The following ROBO1 variants were observed in gnomAD, a reference collection of about 807,000 sequenced individuals.
ROBO1 encodes the protein roundabout homolog 1.
A neutral mutation model predicts 195.9 loss-of-function variants in ROBO1; 149 were observed. The ratio of observed to expected loss-of-function variants is 0.76; its 90% CI spans 0.67 to 0.87. The LOEUF is 0.87. Among genes scored for constraint, ROBO1 ranks in the 40% least tolerant of loss-of-function variants. ROBO1 has a pLI of 0.00. For missense variants in ROBO1, 1,933 were observed against 2,068.3 expected (o/e 0.93, Z 1.27); for synonymous variants, 816 against 733.2 (o/e 1.11, Z -1.82).
intron 5 of ROBO1, among the ~76,000 whole-genome samples, chr3:78,731,853 T>C (rs2082293364): frequency 6.6e-6 from 1 of 152,106 alleles, no homozygotes. Flanking sequence ...CAGTTCTTCC[T>C]GCAGTACACG....
chr3:79,678,397 A>G (rs1227524463), intron 1 of ROBO1, among the ~76,000 whole-genome samples: 1 of 152,054 alleles, frequency 6.6e-6, no homozygotes, highest in Non-Finnish European at 1.5e-5. Flanking sequence ...TATAGCCACT[A>G]AAGTAAGACT....
intron 26 of ROBO1, among the ~76,000 whole-genome samples, chr3:78,620,883 A>ATGTGTGTG (rs199578004): frequency 0.34 from 48,984 of 144,492 alleles, 9,002 homozygotes; most frequent in Admixed American, 0.44. Context: ...ATATATATAT[A>ATGTGTGTG]TGTGTGTGTG....
rs753226863 is a variant in ROBO1 at position 78,600,306 on chromosome 3, T to C, written c.4748A>G (p.Asp1583Gly). ...AGTAGGTCTACAATAAGGTAGAATATCCTCTGTGTAATGAAATATAATAAA... is the reference window on the plus strand; with the variant it reads ...AGTAGGTCTACAATAAGGTAGAATACCCTCTGTGTAATGAAATATAATAAA... ...PPAKTHLIQE[D>G]ILPYCRPTFP... is the part of the protein sequence containing the mutation. The change falls in exon 30 of 31, where the codon GAT becomes GGT. Residue 1583 changes from aspartate to glycine, a missense_variant. Around this residue, in one of 3 missense-constraint regions of ROBO1, gnomAD observed 1,737 missense variants for 1,882.5 expected, o/e 0.92. Coordinates refer to ENST00000464233, the MANE Select transcript of ROBO1 (RefSeq NM_002941.4). 7 of 1,592,206 alleles carry C rather than the reference T, an allele frequency of 4.4e-6. No homozygotes were observed. The African/African-American group carries it at 8.1e-5, about 18-fold the overall frequency.
chr3:78,776,082 G>A (rs1352793747), intron 4 of ROBO1, among the ~76,000 whole-genome samples: 1 of 151,756 alleles, frequency 6.6e-6, no homozygotes, highest in Non-Finnish European at 1.5e-5. Context: ...ATTTTTTATT[G>A]TTTCTTTTCC....
At chr3:79,084,308 G>A (rs2079328164) in intron 3 of ROBO1, among the ~76,000 whole-genome samples, 1 of 152,186 alleles carries the variant, frequency 6.6e-6, no homozygotes, top group African/African-American at 2.4e-5. Context: ...AGATCAGCCT[G>A]ACCAACATGG....
intron 4 of ROBO1, chr3:78,937,990 AGTGTGTGTGTGT>A (rs10596981): frequency 2.5e-4 from 34 of 135,686 alleles, no homozygotes; most frequent in East Asian, 6.6e-4. Context: ...AGAGAGAGTG[AGTGTGTGTGTGT>A]GTGTGTGTGT....
At chr3:79,392,164 C>A (rs775794492) in intron 2 of ROBO1, among the ~76,000 whole-genome samples, 1 of 152,178 alleles carries the variant, frequency 6.6e-6, no homozygotes, top group Non-Finnish European at 1.5e-5. Context: ...AGAGAAGCAA[C>A]CACGGAATGG....
At chr3:79,637,243 A>T (rs1424137924) in intron 1 of ROBO1, among the ~76,000 whole-genome samples, 1 of 152,184 alleles carries the variant, frequency 6.6e-6, no homozygotes, top group African/African-American at 2.4e-5. Flanking sequence ...ATGTATGCAC[A>T]TATTTATCAT....
intron 2 of ROBO1, among the ~76,000 whole-genome samples, chr3:79,293,779 C>A (rs1424733087): frequency 6.6e-6 from 1 of 152,102 alleles, no homozygotes; most frequent in African/African-American, 2.4e-5. Flanking sequence ...CTACTTTGGG[C>A]CGGGCGCGGT....
intron 1 of ROBO1, among the ~76,000 whole-genome samples, chr3:79,627,212 A>T (rs1489705422): frequency 6.6e-6 from 1 of 152,182 alleles, no homozygotes; most frequent in African/African-American, 2.4e-5. Flanking sequence ...AAGCAAAAAG[A>T]ACAAAGGTGG....
chr3:79,469,558 G>A (rs1316469262), intron 2 of ROBO1, among the ~76,000 whole-genome samples: 1 of 152,178 alleles, frequency 6.6e-6, no homozygotes, highest in African/African-American at 2.4e-5. Flanking sequence ...TCAGCAGCCG[G>A]ATTTAAATCT....
At chr3:79,546,315 G>A (rs967944132) in intron 2 of ROBO1, among the ~76,000 whole-genome samples, 1 of 152,084 alleles carries the variant, frequency 6.6e-6, no homozygotes, top group African/African-American at 2.4e-5. Context: ...CTATTAGTTA[G>A]GTTTCTGGGG....
chr3:79,072,704 A>G (rs2079109473), intron 3 of ROBO1, among the ~76,000 whole-genome samples: 1 of 151,996 alleles, frequency 6.6e-6, no homozygotes, highest in Non-Finnish European at 1.5e-5. Flanking sequence ...TACTGTATCC[A>G]TTTGTAATCA....
intron 2 of ROBO1, among the ~76,000 whole-genome samples, chr3:79,333,375 C>T (rs533666640): frequency 5.3e-5 from 8 of 152,092 alleles, no homozygotes; most frequent in African/African-American, 1.4e-4. Flanking sequence ...ATCAAGCATG[C>T]GTAACCATGT....
chr3:79,285,363 C>G (rs1254219089), intron 2 of ROBO1, among the ~76,000 whole-genome samples: 1 of 152,154 alleles, frequency 6.6e-6, no homozygotes, highest in East Asian at 1.9e-4. Flanking sequence ...TAATTGTAAG[C>G]TCCCAAAGCA....
chr3:79,755,266 T>C (rs1474098867), intron 1 of ROBO1, among the ~76,000 whole-genome samples: 2 of 152,180 alleles, frequency 1.3e-5, no homozygotes, highest in African/African-American at 4.8e-5. Flanking sequence ...TTTTCTAAAT[T>C]AGAATATTAT....
chr3:78,693,099 G>C (rs2081211270), intron 8 of ROBO1: 1 of 417,770 alleles, frequency 2.4e-6, no homozygotes, highest in Admixed American at 4.1e-5. Flanking sequence ...GAAATAAAAG[G>C]ATGCAGATCA....
At chr3:79,264,802 C>T (rs1202800690) in intron 2 of ROBO1, among the ~76,000 whole-genome samples, 1 of 151,856 alleles carries the variant, frequency 6.6e-6, no homozygotes, top group East Asian at 1.9e-4. Flanking sequence ...TAAGTAGGCA[C>T]AAACATTTGT....
At chr3:78,792,541 GA>G (rs1252889490) in intron 4 of ROBO1, among the ~76,000 whole-genome samples, 8 of 152,134 alleles carry the variant, frequency 5.3e-5, no homozygotes, top group African/African-American at 1.9e-4. Context: ...GTACAGGAAT[GA>G]GCAGCCTGTG....
Sources: allele counts gnomAD v4.1 joint callset (sites outside exome capture counted in the v4.1 genomes callset), GRCh38; gene constraint gnomAD v4.1.1; regional missense constraint gnomAD v4.1.1; transcripts MANE v1.5; gene names NCBI Gene and HGNC (gene_info 2026-07-23, HGNC 2026-07-21).